Variants in PIEZO2 observed in about 807,000 individuals in gnomAD.
PIEZO2 encodes the protein piezo type mechanosensitive ion channel component 2, also known as piezo-type mechanosensitive ion channel component 2.
In PIEZO2, 172 loss-of-function variants were observed where a neutral mutation model predicts 337.3. That is an observed-to-expected ratio of 0.51 (90% CI 0.45 to 0.58). The LOEUF is 0.58. PIEZO2 is among the 20% of genes least tolerant of loss of function. The pLI is 0.00. For synonymous variants in PIEZO2, 1,251 were observed against 1,228.5 expected (o/e 1.02, Z -0.38); for missense variants, 3,028 against 3,391.3 (o/e 0.89, Z 2.66).
chr18:10,972,756 T>C (rs1169256647), intron 3 of PIEZO2, among the ~76,000 whole-genome samples: 1 of 152,182 alleles, frequency 6.6e-6, no homozygotes, highest in Non-Finnish European at 1.5e-5. Flanking sequence ...CAGGATTTGG[T>C]TTGGAGTTGC....
intron 2 of PIEZO2, among the ~76,000 whole-genome samples, chr18:10,994,950 T>C (rs1256195623): frequency 1.3e-5 from 2 of 151,578 alleles, no homozygotes; most frequent in Non-Finnish European, 2.9e-5. Context: ...GCAGGTGCCT[T>C]AGTCTCAGCT....
intron 3 of PIEZO2, among the ~76,000 whole-genome samples, chr18:10,939,623 T>A (rs1261672624): frequency 6.6e-6 from 1 of 152,150 alleles, no homozygotes; most frequent in Non-Finnish European, 1.5e-5. Context: ...TGCAGGGACA[T>A]GGATGAAGCT....
chr18:10,752,535 AG>A, intron 28 of PIEZO2, 100 bp downstream of exon 28: 1 of 1,345,176 alleles, frequency 7.4e-7, no homozygotes, highest in Non-Finnish European at 1.0e-6. Context: ...GGGGCTTTTA[AG>A]AGAGCAACAT....
rs1447080014 is a variant in PIEZO2 at position 11,002,450 on chromosome 18, T to C, written c.161-22790A>G. On this transcript the variant is annotated intron_variant, in intron 2 of 55. Coordinates refer to ENST00000674853, the MANE Select transcript of PIEZO2 (RefSeq NM_001378183.1). This position sits in a 1 kb window ranked among gnomAD's most constrained non-coding sequence, Gnocchi z 4.3. ...ATATCTGAGAGTCAGTCCTCACTTA[T>C]GGGGAACAAACAAAGCACAGTGTTG... is the stretch of plus-strand genomic sequence containing the variant. 2.6e-5 allele frequency among the ~76,000 whole-genome samples: 4 copies of C among 152,202 alleles called. No homozygotes were observed. The highest frequency in any genetic ancestry group is 2.1e-4 in the South Asian group (1 of 4,828).
chr18:10,995,938 A>C lies in PIEZO2; in HGVS notation c.161-16278T>G, dbSNP rs528861482. Among the ~76,000 whole-genome samples the C allele has an allele frequency of 3.3e-5, 5 of 152,352 alleles. No homozygotes were observed. In the South Asian group the frequency reaches 1.0e-3, roughly 32 times the overall value. On this transcript the variant is annotated intron_variant, in intron 2 of 55. Coordinates refer to ENST00000674853, the MANE Select transcript of PIEZO2 (RefSeq NM_001378183.1). ...AAAAACATGTGATTGCTATAAAAAA[A>C]TGAAGCTTAAAGATCTAAAATGTCA...
intron 2 of PIEZO2, among the ~76,000 whole-genome samples, chr18:11,063,212 A>T (rs529396478): frequency 6.2e-4 from 92 of 148,600 alleles, no homozygotes; most frequent in African/African-American, 2.2e-3. Flanking sequence ...GTCCTCACTC[A>T]TAGGTGGGAA....
At chr18:10,974,721 C>T (rs1197350798) in intron 3 of PIEZO2, among the ~76,000 whole-genome samples, 1 of 152,188 alleles carries the variant, frequency 6.6e-6, no homozygotes, top group Non-Finnish European at 1.5e-5. Context: ...CATTGCAATC[C>T]CTACCTCAGC....
chr18:11,025,552 C>T (rs748046309), intron 2 of PIEZO2, among the ~76,000 whole-genome samples: 8 of 152,062 alleles, frequency 5.3e-5, no homozygotes, highest in Non-Finnish European at 1.0e-4. Flanking sequence ...ATTATCCTGG[C>T]GATCTTCTCC....
At chr18:10,886,168 TTTTGTGCA>T (rs2042572426) in intron 4 of PIEZO2, among the ~76,000 whole-genome samples, 1 of 149,374 alleles carries the variant, frequency 6.7e-6, no homozygotes, top group African/African-American at 2.5e-5. Flanking sequence ...GCTGATGGTG[TTTTGTGCA>T]TTTGTGCATT....
In PIEZO2 at chr18:10,770,094, T is replaced by C. The variant is rs549538171; in HGVS notation, c.2946+54A>G. ...ATCATGGACAGCTGGAAAAGGAAAATGATGACCTACTGTGGTTCTGTTCAG... is the reference window on the plus strand; with the variant it reads ...ATCATGGACAGCTGGAAAAGGAAAACGATGACCTACTGTGGTTCTGTTCAG... On this transcript the variant is annotated intron_variant, in intron 21 of 55. Transcript: ENST00000674853. 4.8e-5 allele frequency: 72 copies of C among 1,499,154 alleles called. 1 individual carries two copies. The African/African-American group carries it at 9.2e-4, about 19-fold the overall frequency. 92.9% of individuals were successfully genotyped at this position (1,499,154 alleles called of 1,614,324 possible). A position where few individuals can be genotyped will look rare whatever the true frequency, so the allele number is the denominator to read the frequency against.
At chr18:10,857,248 G>A (rs2041732029) in intron 5 of PIEZO2, 37 bp from the exon 6 acceptor site, 3 of 1,511,008 alleles carry the variant, frequency 2.0e-6, no homozygotes, top group Admixed American at 2.0e-5. Context: ...TCAAGTCCAG[G>A]AGCCTGCCTA....
rs2040912136 is a variant in PIEZO2, at chr18:10,833,443, A to G, written c.917+21910T>C. 6.6e-6 allele frequency among the ~76,000 whole-genome samples: 1 copy of G among 152,102 alleles called. No individual in the cohort carries two copies. The highest frequency in any genetic ancestry group is 6.5e-5 in the Admixed American group (1 of 15,284). On this transcript the variant is annotated intron_variant, in intron 7 of 55. Coordinates refer to ENST00000674853, the MANE Select transcript of PIEZO2 (RefSeq NM_001378183.1). The surrounding 1 kb of genome is among the most constrained non-coding windows in gnomAD (Gnocchi z 4.7). ...TGGGCCCTGCCCCAGAACCCCTGGA[A>G]TCTCCTGGGGCGGGGCTGAAGGTGG...
intron 3 of PIEZO2, among the ~76,000 whole-genome samples, chr18:10,961,032 T>A (rs1218938649): frequency 3.3e-5 from 5 of 151,560 alleles, no homozygotes; most frequent in South Asian, 4.2e-4. Flanking sequence ...CAAGAAAAAA[T>A]TAGCTGGGTG....
At position 10,897,131 on chromosome 18, in the gene PIEZO2, C is replaced by G. The variant is rs370199010; in HGVS notation, c.329+14055G>C. On this transcript the variant is annotated intron_variant, in intron 4 of 55. Coordinates refer to ENST00000674853, the MANE Select transcript of PIEZO2 (RefSeq NM_001378183.1). ...GAACCCGGTGAGGGATAACTGAATC[C>G]TGGGCTTGGTTTCCTCCATATGGTT... 7.9e-5 allele frequency among the ~76,000 whole-genome samples: 12 copies of G among 152,212 alleles called. No homozygotes were observed. In the East Asian group the frequency reaches 2.1e-3, roughly 27 times the overall value.
rs1179104929 is a variant in PIEZO2 at position 11,031,253 on chromosome 18, C to G, written c.160+34874G>C. Among the ~76,000 whole-genome samples, 4 of 151,926 alleles carry G rather than the reference C, an allele frequency of 2.6e-5. No individual in the cohort carries two copies. Among genetic ancestry groups the G allele is most frequent in the African/African-American group, 7.3e-5 (3 of 41,350 alleles). ...TGACCTCGTGATCCACCCACCTCAG[C>G]CTCCCAAAGTGCTGGGATTACAGGC... On this transcript the variant is annotated intron_variant, in intron 2 of 55. Coordinates refer to ENST00000674853, the MANE Select transcript of PIEZO2 (RefSeq NM_001378183.1). This position sits in a 1 kb window ranked among gnomAD's most constrained non-coding sequence, Gnocchi z 4.7.
intron 49 of PIEZO2, among the ~76,000 whole-genome samples, chr18:10,689,416 T>A (rs539602961): frequency 3.3e-5 from 5 of 152,256 alleles, no homozygotes; most frequent in East Asian, 1.9e-4. Flanking sequence ...TACCGTTTTT[T>A]AAAAATAACT....
rs2039714671 is a variant in PIEZO2, at chr18:11,111,014, A to G, written c.64+37511T>C. Among the ~76,000 whole-genome samples the G allele has an allele frequency of 6.6e-6, 1 of 152,134 alleles. No homozygotes were observed. Among genetic ancestry groups the G allele is most frequent in the Admixed American group, 6.5e-5 (1 of 15,276 alleles). On this transcript the variant is annotated intron_variant, in intron 1 of 55. Coordinates refer to ENST00000674853, the MANE Select transcript of PIEZO2 (RefSeq NM_001378183.1). This position sits in a 1 kb window ranked among gnomAD's most constrained non-coding sequence, Gnocchi z 6.2. Reference sequence around the variant, plus strand: ...TTCGGAACGGAGGAGAAGCTGAGATACTTCAGTGCAGCTGCAAATGGACGT... The same window carrying G: ...TTCGGAACGGAGGAGAAGCTGAGATGCTTCAGTGCAGCTGCAAATGGACGT...
intron 17 of PIEZO2, among the ~76,000 whole-genome samples, chr18:10,782,319 T>C (rs1195569831): frequency 1.0e-5 from 1 of 97,950 alleles, no homozygotes; most frequent in Non-Finnish European, 1.8e-5. Context: ...TTATATAATA[T>C]ATTATAATTA....
At chr18:11,073,691 T>G (rs2038424524) in intron 1 of PIEZO2, among the ~76,000 whole-genome samples, 1 of 152,230 alleles carries the variant, frequency 6.6e-6, no homozygotes. Context: ...TTTTACTTGA[T>G]GTATGTGAAG....
Sources: allele counts gnomAD v4.1 joint callset (sites outside exome capture counted in the v4.1 genomes callset), GRCh38; gene constraint gnomAD v4.1.1; non-coding constraint Gnocchi (gnomAD v3.1); transcripts MANE v1.5; gene names NCBI Gene and HGNC (gene_info 2026-07-23, HGNC 2026-07-21).